The following SGCZ variants were observed in gnomAD, a reference collection of about 807,000 sequenced individuals.
SGCZ encodes zeta-sarcoglycan.
SGCZ carries 40 observed loss-of-function variants against 41.3 expected under a neutral mutation model. That is an observed-to-expected ratio of 0.97 (90% CI 0.75 to 1.26). The LOEUF is 1.26. Among genes scored for constraint, SGCZ ranks in the 50% most tolerant of loss-of-function variants. SGCZ has a pLI of 0.00. For synonymous variants in SGCZ, 206 were observed against 137.5 expected, an observed-to-expected ratio of 1.50 and a Z score of -3.49; for missense variants, 552 against 369.8, an observed-to-expected ratio of 1.49 and a Z score of -4.04.
At chr8:15,117,841 A>C (rs555499420) in intron 1 of SGCZ, among the ~76,000 whole-genome samples, 1 of 152,314 alleles carries the variant, frequency 6.6e-6, no homozygotes, top group South Asian at 2.1e-4. Flanking sequence ...AGGGCCAAAA[A>C]TCTCCACGTA....
chr8:14,362,857 A>C lies in SGCZ; in HGVS notation c.235-38653T>G, dbSNP rs574811331. On this transcript the variant is annotated intron_variant, in intron 2 of 7. Transcript: ENST00000382080. ...ACCCTACACGATTCCTTATACACAG[A>C]AACTTTTATCTACATATATATGCAA... is the stretch of plus-strand genomic sequence containing the variant. Among the ~76,000 whole-genome samples the C allele has an allele frequency of 1.8e-4, 27 of 152,346 alleles. No homozygotes were observed. The South Asian group carries it at 5.0e-3, about 28-fold the overall frequency.
intron 1 of SGCZ, among the ~76,000 whole-genome samples, chr8:14,951,558 T>A (rs1800638239): frequency 6.6e-6 from 1 of 152,050 alleles, no homozygotes. Context: ...CTGATAAAAG[T>A]GAGTTTATCA....
At chr8:14,366,576 C>A (rs1459441344) in intron 2 of SGCZ, among the ~76,000 whole-genome samples, 1 of 151,986 alleles carries the variant, frequency 6.6e-6, no homozygotes. Context: ...ATTTCAAAAC[C>A]AATCATGCCT....
At chr8:14,443,073 A>G (rs1008988806) in intron 2 of SGCZ, among the ~76,000 whole-genome samples, 7 of 152,126 alleles carry the variant, frequency 4.6e-5, no homozygotes, top group South Asian at 2.1e-4. Context: ...GCTTCAAAGA[A>G]AATAAAATAC....
chr8:14,106,724 TC>T (rs1802215572), intron 6 of SGCZ, among the ~76,000 whole-genome samples: 1 of 152,204 alleles, frequency 6.6e-6, no homozygotes, highest in Admixed American at 6.5e-5. Context: ...TTATTTTGCT[TC>T]CCAAGACACC....
At chr8:14,914,239 T>G (rs953032158) in intron 1 of SGCZ, among the ~76,000 whole-genome samples, 12 of 143,414 alleles carry the variant, frequency 8.4e-5, no homozygotes, top group South Asian at 2.1e-4. Flanking sequence ...CGTATATATA[T>G]ATAGAGAGTG....
intron 4 of SGCZ, among the ~76,000 whole-genome samples, chr8:14,226,177 A>G (rs1415957271): frequency 6.6e-6 from 1 of 152,074 alleles, no homozygotes; most frequent in African/African-American, 2.4e-5. Context: ...AAATATTAGT[A>G]TTCAGAATGT....
At chr8:14,279,942 T>C (rs1323461538) in intron 3 of SGCZ, among the ~76,000 whole-genome samples, 1 of 151,944 alleles carries the variant, frequency 6.6e-6, no homozygotes, top group Non-Finnish European at 1.5e-5. Context: ...TTGGCCTAGA[T>C]GTGACAAGTC....
intron 1 of SGCZ, among the ~76,000 whole-genome samples, chr8:14,701,560 T>C (rs1225307066): frequency 6.6e-6 from 1 of 151,982 alleles, no homozygotes; most frequent in Non-Finnish European, 1.5e-5. Flanking sequence ...CCACAGGCCG[T>C]CCGTGCTGCC....
chr8:14,878,538 G>T (rs2130717599), intron 1 of SGCZ, among the ~76,000 whole-genome samples: 1 of 152,144 alleles, frequency 6.6e-6, no homozygotes. Flanking sequence ...GAGATGAGGT[G>T]GCCCATATAC....
At chr8:14,569,112 C>T (rs940661503) in intron 1 of SGCZ, among the ~76,000 whole-genome samples, 1 of 152,084 alleles carries the variant, frequency 6.6e-6, no homozygotes, top group African/African-American at 2.4e-5. Context: ...ATATAACCCC[C>T]ATGTCTGAAT....
intron 5 of SGCZ, among the ~76,000 whole-genome samples, chr8:14,155,134 C>T (rs1401726708): frequency 1.3e-5 from 2 of 152,210 alleles, no homozygotes; most frequent in African/African-American, 2.4e-5. Flanking sequence ...TCTAGAATCA[C>T]GTGGTATACA....
chr8:14,231,898 T>C (rs1237917044), intron 4 of SGCZ, among the ~76,000 whole-genome samples: 1 of 152,110 alleles, frequency 6.6e-6, no homozygotes, highest in Non-Finnish European at 1.5e-5. Flanking sequence ...ATCACTGTAG[T>C]TTAATTACTC....
At chr8:14,458,797 C>A (rs1800820794) in intron 2 of SGCZ, among the ~76,000 whole-genome samples, 1 of 152,096 alleles carries the variant, frequency 6.6e-6, no homozygotes, top group African/African-American at 2.4e-5. Flanking sequence ...AATGAGGACA[C>A]CAAACACAGA....
chr8:15,155,220 G>A (rs550595892), intron 1 of SGCZ, among the ~76,000 whole-genome samples: 33 of 152,218 alleles, frequency 2.2e-4, no homozygotes, highest in Non-Finnish European at 3.4e-4. Flanking sequence ...GCTTGAGCCC[G>A]GGAGGCAGAG....
chr8:14,664,261 G>A (rs1311203034), intron 1 of SGCZ, among the ~76,000 whole-genome samples: 2 of 152,088 alleles, frequency 1.3e-5, no homozygotes, highest in Admixed American at 1.3e-4. Context: ...GACTGAAGAT[G>A]GGAATGTACA....
At chr8:14,498,184 T>C (rs1802047192) in intron 2 of SGCZ, among the ~76,000 whole-genome samples, 1 of 152,336 alleles carries the variant, frequency 6.6e-6, no homozygotes, top group Non-Finnish European at 1.5e-5. Context: ...CAACATTTTC[T>C]ATTACTCTGT....
intron 3 of SGCZ, among the ~76,000 whole-genome samples, chr8:14,248,683 G>A (rs891944356): frequency 6.6e-6 from 1 of 151,812 alleles, no homozygotes; most frequent in African/African-American, 2.4e-5. Context: ...AGAAAAAATT[G>A]CCTTTGAGAT....
rs530833952 is a variant in SGCZ at position 14,215,198 on chromosome 8, A to G, written c.424+22394T>C. On this transcript the variant is annotated intron_variant, in intron 4 of 7. Coordinates refer to ENST00000382080, the MANE Select transcript of SGCZ (RefSeq NM_139167.4). ...CTATACTGAATCAAACTAGAAATCA[A>G]TATTAGAAAGGTAGCAGGAAAATTT... Among the ~76,000 whole-genome samples, 3 of 152,326 alleles carry G rather than the reference A, an allele frequency of 2.0e-5. No homozygotes were observed. In the East Asian group the frequency reaches 5.8e-4, roughly 29 times the overall value.
Sources: allele counts gnomAD v4.1 joint callset (sites outside exome capture counted in the v4.1 genomes callset), GRCh38; gene constraint gnomAD v4.1.1; transcripts MANE v1.5; gene names NCBI Gene and HGNC (gene_info 2026-07-23, HGNC 2026-07-21).